ZBTB40: variants seen among roughly 807,000 people sequenced by gnomAD.
The protein encoded by ZBTB40 is zinc finger and BTB domain containing 40.
Under a neutral mutation model 117.5 loss-of-function variants are expected in ZBTB40, and 60 were observed. That is an observed-to-expected ratio of 0.51 (90% CI 0.41 to 0.63). The LOEUF is 0.63. Among genes scored for constraint, ZBTB40 ranks in the 30% least tolerant of loss-of-function variants. ZBTB40 has a pLI of 0.00. For missense variants in ZBTB40, 1,287 were observed against 1,498.5 expected, an observed-to-expected ratio of 0.86 and a Z score of 2.33; for synonymous variants, 525 against 577.1, an observed-to-expected ratio of 0.91 and a Z score of 1.29.
intron 1 of ZBTB40, among the ~76,000 whole-genome samples, chr1:22,457,122 CTATTT>C (rs1398599175): frequency 3.0e-4 from 5 of 16,866 alleles, no homozygotes; most frequent in Non-Finnish European, 8.7e-4. Flanking sequence ...GACCCTGTCT[CTATTT>C]TTTTTTTTTA....
At chr1:22,449,363 G>A (rs1456941680), upstream of ZBTB40, among the ~76,000 whole-genome samples, 1 of 152,206 alleles carries the variant, frequency 6.6e-6, no homozygotes, top group Non-Finnish European at 1.5e-5. Context: ...CGCAGCTGTC[G>A]AAGCTCTGTG....
At chr1:22,474,308 T>C (rs1018291294) in intron 1 of ZBTB40, among the ~76,000 whole-genome samples, 1 of 152,228 alleles carries the variant, frequency 6.6e-6, no homozygotes, top group African/African-American at 2.4e-5. Flanking sequence ...TGAGAGATAC[T>C]ATCATGAACC....
At chr1:22,449,731 C>T (rs931633229), upstream of ZBTB40, among the ~76,000 whole-genome samples, 1 of 152,060 alleles carries the variant, frequency 6.6e-6, no homozygotes, top group Non-Finnish European at 1.5e-5. Context: ...CACTGCTGTC[C>T]CAATAACTGA....
At position 22,468,994 on chromosome 1, in the gene ZBTB40, T is replaced by G. The variant is rs1641335149; in HGVS notation, c.-70+16990T>G. Among the ~76,000 whole-genome samples, 6 of 151,896 alleles carry G rather than the reference T, an allele frequency of 4.0e-5. No individual in the cohort carries two copies. In the South Asian group the frequency reaches 1.3e-3, roughly 32 times the overall value. On this transcript the variant is annotated intron_variant, in intron 1 of 17. Coordinates refer to ENST00000375647, the MANE Select transcript of ZBTB40 (RefSeq NM_014870.4). ...GGTGTACTCCACCACACTTGGCTAA[T>G]TTTTTGGTATTTTTTTTAGAGATGG...
rs372257118 is a variant in ZBTB40 at position 22,521,578 on chromosome 1, C to T, written c.3131C>T (p.Ser1044Leu). ...AAQNHRSSKF[S>L]SLQCSSCDKT... ...CAGAACCACCGATCTTCCAAGTTCT[C>T]ATCACTCCAGTGCAGCTCCTGTGAC... The change falls in exon 15 of 18, where the codon TCA (serine) becomes TTA (leucine). Residue 1044 changes from serine (S) to leucine (L), a missense_variant. Ser to Leu is a moderately radical substitution (Grantham distance 145). Coordinates refer to ENST00000375647, the MANE Select transcript of ZBTB40 (RefSeq NM_014870.4). The T allele has an allele frequency of 3.1e-6, 5 of 1,614,240 alleles. No homozygotes were observed. Among genetic ancestry groups the T allele is most frequent in the Non-Finnish European group, 4.2e-6 (5 of 1,180,044 alleles).
intron 3 of ZBTB40, among the ~76,000 whole-genome samples, chr1:22,495,649 C>T (rs1638753560): frequency 1.3e-5 from 2 of 152,064 alleles, no homozygotes; most frequent in East Asian, 1.9e-4. Flanking sequence ...GTAGCTGGGA[C>T]TACAGGCACG....
intron 1 of ZBTB40, among the ~76,000 whole-genome samples, chr1:22,480,927 T>C (rs992696179): frequency 6.6e-6 from 1 of 152,174 alleles, no homozygotes; most frequent in Non-Finnish European, 1.5e-5. Flanking sequence ...GCTCTGGGCT[T>C]TATGCAAGGG....
At chr1:22,456,784 A>G (rs909293232) in intron 1 of ZBTB40, among the ~76,000 whole-genome samples, 1 of 152,150 alleles carries the variant, frequency 6.6e-6, no homozygotes, top group Non-Finnish European at 1.5e-5. Context: ...TGCCTTACAG[A>G]TGGTTGTTGT....
intron 12 of ZBTB40, among the ~76,000 whole-genome samples, chr1:22,514,142 C>G (rs1440896975): frequency 6.6e-6 from 1 of 152,136 alleles, no homozygotes; most frequent in Non-Finnish European, 1.5e-5. Context: ...GAAGGGGTCT[C>G]TAGTCCAGTT....
At chr1:22,462,470 C>T (rs1201251406) in intron 1 of ZBTB40, among the ~76,000 whole-genome samples, 2 of 152,214 alleles carry the variant, frequency 1.3e-5, no homozygotes, top group Non-Finnish European at 1.5e-5. Context: ...TAAATGTTAG[C>T]TATTATTGTT....
chr1:22,476,036 C>A (rs1478769967), intron 1 of ZBTB40, among the ~76,000 whole-genome samples: 2 of 152,160 alleles, frequency 1.3e-5, no homozygotes, highest in African/African-American at 4.8e-5. Context: ...AGGGAACTTG[C>A]CAGCAATTGC....
At chr1:22,472,832 T>G (rs1355559362) in intron 1 of ZBTB40, among the ~76,000 whole-genome samples, 1 of 152,192 alleles carries the variant, frequency 6.6e-6, no homozygotes, top group Non-Finnish European at 1.5e-5. Flanking sequence ...TCTAGTTACT[T>G]TGGCAGCAAC....
At chr1:22,454,291 A>G (rs1391419013) in intron 1 of ZBTB40, among the ~76,000 whole-genome samples, 1 of 152,228 alleles carries the variant, frequency 6.6e-6, no homozygotes, top group Non-Finnish European at 1.5e-5. Flanking sequence ...ACCAAGCACC[A>G]CTGTCTAGGT....
At chr1:22,450,697 G>A (rs1051912607), upstream of ZBTB40, among the ~76,000 whole-genome samples, 2 of 152,194 alleles carry the variant, frequency 1.3e-5, no homozygotes, top group African/African-American at 4.8e-5. Context: ...GACAGTGACA[G>A]TAAATATGAT....
chr1:22,477,771 C>T (rs1641586761), intron 1 of ZBTB40, among the ~76,000 whole-genome samples: 1 of 152,148 alleles, frequency 6.6e-6, no homozygotes, highest in Admixed American at 6.5e-5. Context: ...TGGCCTCAAA[C>T]TCCTGATCTC....
In ZBTB40 at chr1:22,443,807, C is replaced by G. The variant is rs575155698; in HGVS notation, c.-70+14793C>G. Among the ~76,000 whole-genome samples the G allele has an allele frequency of 2.6e-5, 4 of 152,240 alleles. No homozygotes were observed. In the South Asian group the frequency reaches 8.3e-4, roughly 32 times the overall value. ...GGGCCTGCTATCTGTCAGGTGATGT[C>G]AGGTTGGAATTTGGTATCTTATTGC... is the stretch of plus-strand genomic sequence containing the variant. On this transcript the variant is annotated intron_variant, in intron 1 of 8. Transcript: ENST00000650433.
intron 1 of ZBTB40, among the ~76,000 whole-genome samples, chr1:22,488,341 C>T (rs969963593): frequency 1.4e-5 from 2 of 138,592 alleles, no homozygotes; most frequent in Admixed American, 7.0e-5. Flanking sequence ...TGTCAGTAGG[C>T]GATAAGTGCT....
chr1:22,515,741 G>A, intron 12 of ZBTB40, among the ~76,000 whole-genome samples: 1 of 152,208 alleles, frequency 6.6e-6, no homozygotes, highest in East Asian at 1.9e-4. Flanking sequence ...CTTTTGCCAT[G>A]TATGGTAACA....
chr1:22,448,143 C>G (rs1271472715), upstream of ZBTB40, among the ~76,000 whole-genome samples: 1 of 152,168 alleles, frequency 6.6e-6, no homozygotes, highest in Non-Finnish European at 1.5e-5. Flanking sequence ...AGGAAAGAAC[C>G]AGCTTTGGGG....
Sources: allele counts gnomAD v4.1 joint callset (sites outside exome capture counted in the v4.1 genomes callset), GRCh38; gene constraint gnomAD v4.1.1; transcripts MANE v1.5; gene names NCBI Gene and HGNC (gene_info 2026-07-23, HGNC 2026-07-21).